Variants in NFAT5 observed in about 807,000 individuals in gnomAD.
NFAT5 encodes the protein nuclear factor of activated T-cells 5.
A neutral mutation model predicts 166.5 loss-of-function variants in NFAT5; 31 were observed. That is an observed-to-expected ratio of 0.19 (90% CI 0.14 to 0.25). The LOEUF (loss-of-function observed/expected upper bound fraction) is 0.25, where lower values mean the gene tolerates loss of function less well. Among genes scored for constraint, NFAT5 ranks in the 10% least tolerant of loss-of-function variants. The pLI is 1.00. For missense variants in NFAT5, 1,449 were observed against 1,821.8 expected (o/e 0.80, Z 3.72); for synonymous variants, 612 against 639.7 (o/e 0.96, Z 0.65).
intron 2 of NFAT5, among the ~76,000 whole-genome samples, chr16:69,603,613 A>G (rs558086512): frequency 2.0e-5 from 3 of 152,272 alleles, no homozygotes; most frequent in South Asian, 2.1e-4. Flanking sequence ...TTAGCCGGGC[A>G]TGGTGATGTG....
At chr16:69,624,819 C>T (rs986553420) in intron 2 of NFAT5, among the ~76,000 whole-genome samples, 1 of 151,508 alleles carries the variant, frequency 6.6e-6, no homozygotes, top group East Asian at 1.9e-4. Context: ...GATTTCTTGG[C>T]ATACTAGGCA....
At chr16:69,635,063 T>C (rs941929161) in intron 3 of NFAT5, among the ~76,000 whole-genome samples, 1 of 134,526 alleles carries the variant, frequency 7.4e-6, no homozygotes, top group Non-Finnish European at 1.5e-5. Context: ...CAGGCTGGAG[T>C]GCAATGGTGC....
chr16:69,616,218 C>T (rs2033937217), intron 2 of NFAT5, among the ~76,000 whole-genome samples: 1 of 152,094 alleles, frequency 6.6e-6, no homozygotes, highest in African/African-American at 2.4e-5. Flanking sequence ...CAAGGCCTCA[C>T]ATGCCCTCCT....
chr16:69,581,950 A>G (rs1393271135), intron 2 of NFAT5, among the ~76,000 whole-genome samples: 3 of 152,022 alleles, frequency 2.0e-5, no homozygotes, highest in African/African-American at 7.3e-5. Context: ...ATTGTTATTA[A>G]TTTTTCTCAC....
intron 3 of NFAT5, among the ~76,000 whole-genome samples, chr16:69,643,056 A>G (rs192457290): frequency 5.3e-5 from 8 of 151,692 alleles, no homozygotes; most frequent in African/African-American, 1.4e-4. Context: ...CATCTCTACT[A>G]AAATACAGAA....
At chr16:69,600,277 A>T (rs2033056522) in intron 2 of NFAT5, among the ~76,000 whole-genome samples, 1 of 152,212 alleles carries the variant, frequency 6.6e-6, no homozygotes, top group South Asian at 2.1e-4. Context: ...GAAATTGGAA[A>T]TAAATCAATT....
chr16:69,641,277 C>CAAAAAAA (rs60281310), intron 3 of NFAT5, among the ~76,000 whole-genome samples: 3 of 72,880 alleles, frequency 4.1e-5, no homozygotes, highest in Non-Finnish European at 8.1e-5. Flanking sequence ...GACTCCGTCT[C>CAAAAAAA]AAAAAAAAAA....
chr16:69,600,760 G>GGAAAAAAAA (rs773196357), intron 2 of NFAT5, among the ~76,000 whole-genome samples: 1 of 101,362 alleles, frequency 9.9e-6, no homozygotes, highest in African/African-American at 3.8e-5. Flanking sequence ...GGAATACTTT[G>GGAAAAAAAA]AAAAAAAAAA....
intron 3 of NFAT5, among the ~76,000 whole-genome samples, chr16:69,636,073 C>G (rs75082717): frequency 0.22 from 33,648 of 152,054 alleles, 4,025 homozygotes; most frequent in East Asian, 0.45. Flanking sequence ...TGGGTAAATA[C>G]AGCTGTTCCA....
rs549821519 is a variant in NFAT5 at position 69,624,849 on chromosome 16, C to A, written c.128-1554C>A. Among the ~76,000 whole-genome samples, 144 of 151,582 alleles carry A rather than the reference C, an allele frequency of 9.5e-4. 2 individuals are homozygous for A. Among genetic ancestry groups the A allele is most frequent in the African/African-American group, 3.4e-3 (139 of 41,262 alleles). On this transcript the variant is annotated intron_variant, in intron 2 of 14. Coordinates refer to ENST00000349945, the MANE Select transcript of NFAT5 (RefSeq NM_138713.4). ...TAGGCAAGTCCCTTAAATTTCATGC[C>A]TCAGTTATTTTGAAAATAAGTATAC...
At position 69,693,341 on chromosome 16, in the gene NFAT5, A is replaced by G; in HGVS notation, c.3516A>G (p.Thr1172=). The change falls in exon 13 of 15, where the codon ACA becomes ACG. Residue 1172 remains threonine, a synonymous_variant. Transcript: ENST00000349945. ...CCATGAATAATCTTCAGACTAACACAGTAGCCCAAGAAGCATTTTTTGCAG... is the reference window on the plus strand; with the variant it reads ...CCATGAATAATCTTCAGACTAACACGGTAGCCCAAGAAGCATTTTTTGCAG... The part of the protein sequence containing the change: ...QSPMNNLQTN[T]VAQEAFFAAP... The G allele has an allele frequency of 1.2e-6, 2 of 1,614,112 alleles. No homozygotes were observed. The highest frequency in any genetic ancestry group is 1.7e-6 in the Non-Finnish European group (2 of 1,180,046).
chr16:69,666,268 T>C (rs1231622946), intron 7 of NFAT5, among the ~76,000 whole-genome samples: 1 of 151,012 alleles, frequency 6.6e-6, no homozygotes, highest in Non-Finnish European at 1.5e-5. Flanking sequence ...GGGCAAGGAC[T>C]TCATGTCTAA....
rs183859364 is a variant in NFAT5 at position 69,660,360 on chromosome 16, G to A, written c.1369+461G>A. ...AAGAGGATCACTTGAGCCCTAGGAG[G>A]TCAAGGCTGCAGTGAGCCTTGAGCG... is the stretch of plus-strand genomic sequence containing the variant. On this transcript the variant is annotated intron_variant, in intron 7 of 14. Coordinates refer to ENST00000349945, the MANE Select transcript of NFAT5 (RefSeq NM_138713.4). Among the ~76,000 whole-genome samples the A allele has an allele frequency of 1.1e-4, 17 of 152,236 alleles. No individual in the cohort carries two copies. In the East Asian group the frequency reaches 1.7e-3, roughly 16 times the overall value.
In NFAT5 at chr16:69,647,669, T is replaced by C. The variant is rs1343661046; in HGVS notation, c.812+83T>C. On this transcript the variant is annotated intron_variant, in intron 4 of 14. Transcript: ENST00000349945. This position sits in a 1 kb window ranked among gnomAD's most constrained non-coding sequence, Gnocchi z 4.8. The stretch of plus-strand genomic sequence containing the variant: ...AAAATTCCCAATTTTTCCTAATTGC[T>C]GAGCTCAAGTTTGCATATAAAGCAA... The C allele has an allele frequency of 8.5e-6, 11 of 1,291,572 alleles. No homozygotes were observed. The highest frequency in any genetic ancestry group is 1.5e-5 in the South Asian group (1 of 67,010). The allele number at this position is 1,291,572 out of a possible 1,614,324, so 80.0% of individuals were successfully genotyped here. A position where few individuals can be genotyped will look rare whatever the true frequency, so the allele number is the denominator to read the frequency against.
intron 3 of NFAT5, among the ~76,000 whole-genome samples, chr16:69,634,491 G>A (rs565298885): frequency 3.9e-4 from 60 of 152,192 alleles, no homozygotes; most frequent in Admixed American, 1.1e-3. Flanking sequence ...TTTGGCATAA[G>A]TAAGGTTATA....
Position 69,566,407 on chromosome 16 carries a change from G to GGGGGGAGA in NFAT5, c.73+33_73+34insGGGGGAGA. 4 of 1,483,768 alleles carry GGGGGGAGA rather than the reference G, an allele frequency of 2.7e-6. No homozygotes were observed. The highest frequency in any genetic ancestry group is 3.7e-6 in the Non-Finnish European group (4 of 1,081,822). The allele number at this position is 1,483,768 out of a possible 1,614,324, so 91.9% of individuals were successfully genotyped here. ...AGGCTGTGGGGGGTGGGGCGTGGGG[G>GGGGGGAGA]CGGGGAGACAGGGAGACAGGGAGAC... On this transcript the variant is annotated intron_variant, in intron 1 of 14. Transcript: ENST00000349945. This position sits in a 1 kb window ranked among gnomAD's most constrained non-coding sequence, Gnocchi z 5.7.
chr16:69,607,165 G>C (rs1292956032), intron 2 of NFAT5, among the ~76,000 whole-genome samples: 2 of 152,192 alleles, frequency 1.3e-5, no homozygotes, highest in African/African-American at 2.4e-5. Context: ...AAGGCTTGCT[G>C]TGATAAGTAA....
chr16:69,612,035 A>G (rs1035270816), intron 2 of NFAT5, among the ~76,000 whole-genome samples: 1 of 152,222 alleles, frequency 6.6e-6, no homozygotes, highest in Non-Finnish European at 1.5e-5. Context: ...AGCAGGTACA[A>G]TGTTGTTTCT....
At chr16:69,644,963 T>C (rs1567569392) in intron 3 of NFAT5, 1 of 313,010 alleles carries the variant, frequency 3.2e-6, no homozygotes, top group Non-Finnish European at 6.3e-6. Context: ...TGCATACTTG[T>C]ATTTCTCTGA....
Sources: gnomAD v4.1 joint callset for allele counts (sites outside exome capture counted in the v4.1 genomes callset) on GRCh38, gnomAD v4.1.1 for gene constraint, Gnocchi (gnomAD v3.1) non-coding constraint, MANE v1.5 for transcripts, NCBI Gene and HGNC (gene_info 2026-07-23, HGNC 2026-07-21) for gene names.